IKBKB: variants seen among roughly 807,000 people sequenced by gnomAD.
IKBKB encodes inhibitor of nuclear factor kappa-B kinase subunit beta.
IKBKB carries 42 observed loss-of-function variants against 113.6 expected under a neutral mutation model. That is an observed-to-expected ratio of 0.37 (90% CI 0.29 to 0.48). The LOEUF (loss-of-function observed/expected upper bound fraction) is 0.48. IKBKB is among the 20% of genes least tolerant of loss of function. The pLI, the probability that IKBKB is intolerant of heterozygous loss-of-function variation, is 0.99. For missense variants in IKBKB, 673 were observed against 939.7 expected, an observed-to-expected ratio of 0.72 and a Z score of 3.71; for synonymous variants, 296 against 361.3, an observed-to-expected ratio of 0.82 and a Z score of 2.05.
chr8:42,320,597 C>A, intron 15 of IKBKB, 138 bp from the exon 16 acceptor site: 1 of 683,108 alleles, frequency 1.5e-6, no homozygotes, highest in Non-Finnish European at 2.6e-6. Flanking sequence ...TCAGACCCCA[C>A]AGTCCACATT....
Position 42,296,270 on chromosome 8 carries a change from A to G in IKBKB, c.388+2758A>G, listed in dbSNP as rs528263243. 2.0e-3 allele frequency among the ~76,000 whole-genome samples: 296 copies of G among 150,372 alleles called. 3 individuals carry two copies. The Middle Eastern group carries it at 0.024, about 12-fold the overall frequency. On this transcript the variant is annotated intron_variant, in intron 5 of 21. Transcript: ENST00000520810. Reference sequence around the variant, plus strand: ...CCAGCACTTTGGGAGGCGGAAGCGGACGGATCACCTGAGGTCAGGAGTTTG... The same window carrying G: ...CCAGCACTTTGGGAGGCGGAAGCGGGCGGATCACCTGAGGTCAGGAGTTTG...
chr8:42,317,676 T>C lies in IKBKB; in HGVS notation c.1145T>C (p.Leu382Ser). The C allele has an allele frequency of 6.2e-7, 1 of 1,613,236 alleles. No homozygotes were observed. The stretch of plus-strand genomic sequence containing the variant: ...TTGCAGTTAAATGAGGGCCACACAT[T>C]GGACATGGATCTTGTTTTTCTCTTT... ...SDGKLNEGHTLDMDLVFLFDN... is the reference protein window; with the variant it reads ...SDGKLNEGHTSDMDLVFLFDN... The change falls in exon 12 of 22, where the codon TTG (leucine) becomes TCG (serine). Residue 382 changes from leucine (L) to serine (S), a missense_variant. Physicochemically the swap from Leu to Ser is moderately radical, Grantham distance 145. This residue lies in a region of IKBKB where 506 missense variants were observed against 638.7 expected (regional missense o/e 0.79). Coordinates refer to ENST00000520810, the MANE Select transcript of IKBKB (RefSeq NM_001556.3).
chr8:42,320,313 G>GTC, intron 15 of IKBKB: 1 of 176,106 alleles, frequency 5.7e-6, no homozygotes, highest in South Asian at 1.2e-4. Context: ...CCCCATCTTG[G>GTC]GACTCATAAT....
In IKBKB at chr8:42,271,363, G is replaced by T. The variant is rs2129962533; in HGVS notation, c.-125G>T. The stretch of plus-strand genomic sequence containing the variant: ...CCGCGCTGCCCGCGTTAAGATTCCC[G>T]CATTTTAATGTTTTCAGGGGGGTGT... On this transcript the variant is annotated 5_prime_UTR_variant, in exon 1 of 22. Coordinates refer to ENST00000520810, the MANE Select transcript of IKBKB (RefSeq NM_001556.3). The T allele has an allele frequency of 2.7e-6, 4 of 1,462,694 alleles. No homozygotes were observed. Among genetic ancestry groups the T allele is most frequent in the South Asian group, 2.4e-5 (2 of 82,650 alleles). The allele number at this position is 1,462,694 out of a possible 1,614,324, so 90.6% of individuals were successfully genotyped here. A position where few individuals can be genotyped will look rare whatever the true frequency, so the allele number is the denominator to read the frequency against.
chr8:42,329,819 G>A, intron 21 of IKBKB: 1 of 985,408 alleles, frequency 1.0e-6, no homozygotes, highest in Non-Finnish European at 1.2e-6. Context: ...GGTACATTAA[G>A]ACAAAGCTTC....
Position 42,316,472 on chromosome 8 carries a change from G to T in IKBKB, c.930+133G>T. 1.8e-6 allele frequency: 2 copies of T among 1,107,882 alleles called. No individual in the cohort carries two copies. The highest frequency in any genetic ancestry group is 2.6e-6 in the Non-Finnish European group (2 of 778,088). 68.6% of individuals were successfully genotyped at this position (1,107,882 alleles called of 1,614,324 possible). The stretch of plus-strand genomic sequence containing the variant: ...TTTAGGCTCCTGCATCAGTCTTTCT[G>T]CATAAGTAAAGAAAGGACAGTTGTG... On this transcript the variant is annotated intron_variant, in intron 10 of 21. Coordinates refer to ENST00000520810, the MANE Select transcript of IKBKB (RefSeq NM_001556.3). This position sits in a 1 kb window ranked among gnomAD's most constrained non-coding sequence, Gnocchi z 4.5.
intron 4 of IKBKB, among the ~76,000 whole-genome samples, chr8:42,291,580 G>A (rs1434880706): frequency 1.3e-5 from 2 of 152,210 alleles, no homozygotes; most frequent in South Asian, 2.1e-4. Flanking sequence ...GAGCCCAGGC[G>A]TTTATTCCTG....
intron 5 of IKBKB, among the ~76,000 whole-genome samples, chr8:42,301,908 C>T (rs955924584): frequency 5.9e-5 from 9 of 152,166 alleles, no homozygotes; most frequent in African/African-American, 2.2e-4. Flanking sequence ...GCTCTGGGGG[C>T]CTTGTCTCAG....
At chr8:42,285,117 A>G (rs1309553585) in intron 2 of IKBKB, among the ~76,000 whole-genome samples, 3 of 152,032 alleles carry the variant, frequency 2.0e-5, no homozygotes, top group African/African-American at 4.8e-5. Context: ...GGGCCTCCCA[A>G]AGTGCTGGGA....
At position 42,317,653 on chromosome 8, in the gene IKBKB, G is replaced by A. The variant is rs201394549; in HGVS notation, c.1126-4G>A. ...AGATTCATTTTGTCCTTGTCCCTTT[G>A]CAGTTAAATGAGGGCCACACATTGG... On this transcript the variant is annotated splice_region_variant and splice_polypyrimidine_tract_variant and intron_variant, in intron 11 of 21. Coordinates refer to ENST00000520810, the MANE Select transcript of IKBKB (RefSeq NM_001556.3). 2.6e-4 allele frequency: 413 copies of A among 1,579,440 alleles called. No individual in the cohort carries two copies. Among genetic ancestry groups the A allele is most frequent in the Non-Finnish European group, 3.3e-4 (383 of 1,148,540 alleles).
chr8:42,309,446 A>T (rs1475567084), intron 8 of IKBKB: 4 of 388,550 alleles, frequency 1.0e-5, no homozygotes. Flanking sequence ...CTGAATATAA[A>T]TTTTTGTTTT....
intron 2 of IKBKB, among the ~76,000 whole-genome samples, chr8:42,277,127 C>T (rs1042557847): frequency 6.6e-6 from 1 of 151,706 alleles, no homozygotes; most frequent in African/African-American, 2.4e-5. Flanking sequence ...GCTCGGCCTC[C>T]CAAAGTGCTG....
chr8:42,297,449 T>C (rs1240749984), intron 5 of IKBKB, among the ~76,000 whole-genome samples: 3 of 152,162 alleles, frequency 2.0e-5, no homozygotes, highest in African/African-American at 7.2e-5. Context: ...CATTGCCTTT[T>C]CTTCTGGATT....
chr8:42,287,508 C>G (rs547722495), intron 2 of IKBKB, among the ~76,000 whole-genome samples: 1 of 152,320 alleles, frequency 6.6e-6, no homozygotes, highest in African/African-American at 2.4e-5. Flanking sequence ...CAGAGCAGGG[C>G]CAAGCGCCAG....
Position 42,306,407 on chromosome 8 carries a change from C to A in IKBKB, c.542C>A (p.Ser181Ter). 6.2e-7 allele frequency: 1 copy of A among 1,613,028 alleles called. No homozygotes were observed. Among genetic ancestry groups the A allele is most frequent in the Non-Finnish European group, 8.5e-7 (1 of 1,178,978 alleles). Reference protein sequence around the residue: ...KELDQGSLCTSFVGTLQYLAP... With the variant: ...KELDQGSLCT ...CTGGATCAGGGCAGTCTTTGCACAT[C>A]ATTCGTGGGGACCCTGCAGTACCTG... Residue 181 changes from serine (S) to a stop codon, truncating the protein, a stop_gained, in exon 7 of 22, where the codon TCA (serine) becomes TAA (stop). Transcript: ENST00000520810. LOFTEE classifies it high-confidence loss of function.
intron 2 of IKBKB, among the ~76,000 whole-genome samples, chr8:42,280,002 C>A (rs2130138450): frequency 6.6e-6 from 1 of 152,248 alleles, no homozygotes. Flanking sequence ...GCGTGAGACA[C>A]CACGCCTGGC....
chr8:42,319,501 A>G (rs779792026), intron 14 of IKBKB, 80 bp downstream of exon 14: 5 of 1,590,966 alleles, frequency 3.1e-6, no homozygotes, highest in Admixed American at 1.7e-5. Context: ...TTGTCCTATT[A>G]TAATTGAGTT....
At chr8:42,321,768 ATTGC>A in intron 16 of IKBKB, 124 bp from the exon 17 acceptor site, 2 of 644,208 alleles carry the variant, frequency 3.1e-6, no homozygotes, top group East Asian at 5.5e-5. Context: ...AGGCAAGAAG[ATTGC>A]TTGTGAGCCC....
intron 2 of IKBKB, chr8:42,272,428 A>C: frequency 1.6e-6 from 1 of 612,518 alleles, no homozygotes; most frequent in Non-Finnish European, 2.9e-6. Context: ...TAGTAAAATA[A>C]AGTTAAGCTC....
Sources: allele counts gnomAD v4.1 joint callset (sites outside exome capture counted in the v4.1 genomes callset), GRCh38; gene constraint gnomAD v4.1.1; regional missense constraint gnomAD v4.1.1; non-coding constraint Gnocchi (gnomAD v3.1); transcripts MANE v1.5; gene names NCBI Gene and HGNC (gene_info 2026-07-23, HGNC 2026-07-21).